PTPRK: variants seen among roughly 807,000 people sequenced by gnomAD.
The protein encoded by PTPRK is protein tyrosine phosphatase receptor type K.
PTPRK carries 75 observed loss-of-function variants against 178.0 expected under a neutral mutation model. The ratio of observed to expected loss-of-function variants is 0.42; its 90% CI spans 0.35 to 0.51. The LOEUF (loss-of-function observed/expected upper bound fraction) is 0.51. Among genes scored for constraint, PTPRK ranks in the 20% least tolerant of loss-of-function variants. The pLI, the probability that PTPRK is intolerant of heterozygous loss-of-function variation, is 0.02. For synonymous variants in PTPRK, 637 were observed against 620.6 expected, an observed-to-expected ratio of 1.03 and a Z score of -0.39; for missense variants, 1,441 against 1,797.8, an observed-to-expected ratio of 0.80 and a Z score of 3.59.
At chr6:128,491,544 G>A (rs1853773306) in intron 1 of PTPRK, among the ~76,000 whole-genome samples, 2 of 152,230 alleles carry the variant, frequency 1.3e-5, no homozygotes, top group Admixed American at 6.5e-5. Context: ...CTTGGCAGCT[G>A]TAATGCAGTT....
At chr6:128,413,265 C>T (rs1842498371) in intron 1 of PTPRK, among the ~76,000 whole-genome samples, 1 of 152,090 alleles carries the variant, frequency 6.6e-6, no homozygotes, top group Non-Finnish European at 1.5e-5. Context: ...TGTCTGTCTG[C>T]ATAGAGTACT....
At chr6:128,072,095 A>C (rs1782926159) in intron 11 of PTPRK, among the ~76,000 whole-genome samples, 1 of 151,972 alleles carries the variant, frequency 6.6e-6, no homozygotes, top group South Asian at 2.1e-4. Flanking sequence ...AAACTATTCC[A>C]AAGTCATCAT....
chr6:128,187,493 G>A (rs1802978765), intron 6 of PTPRK, among the ~76,000 whole-genome samples: 1 of 152,064 alleles, frequency 6.6e-6, no homozygotes, highest in South Asian at 2.1e-4. Context: ...AAGAATTTTT[G>A]AAGACTCAAC....
chr6:128,213,724 T>G (rs1024492409), intron 6 of PTPRK, among the ~76,000 whole-genome samples: 2 of 152,046 alleles, frequency 1.3e-5, no homozygotes, highest in African/African-American at 4.8e-5. Flanking sequence ...AGCCACCAAC[T>G]AGCAAAACCT....
chr6:128,358,905 T>G (rs1291791654), intron 2 of PTPRK, among the ~76,000 whole-genome samples: 1 of 152,216 alleles, frequency 6.6e-6, no homozygotes. Context: ...TATAATAGAC[T>G]GCTCAGATTT....
At chr6:128,039,286 T>C (rs1057250122) in intron 13 of PTPRK, among the ~76,000 whole-genome samples, 1 of 152,174 alleles carries the variant, frequency 6.6e-6, no homozygotes, top group Non-Finnish European at 1.5e-5. Context: ...CAAGACACTA[T>C]TTTAAGTTCA....
chr6:128,242,912 T>C (rs1814729065), intron 3 of PTPRK, among the ~76,000 whole-genome samples: 1 of 152,236 alleles, frequency 6.6e-6, no homozygotes, highest in Admixed American at 6.5e-5. Context: ...AAAGGTAAAC[T>C]TTCGCATATT....
intron 2 of PTPRK, among the ~76,000 whole-genome samples, chr6:128,350,246 T>C (rs1215428556): frequency 6.6e-6 from 1 of 151,998 alleles, no homozygotes; most frequent in Non-Finnish European, 1.5e-5. Flanking sequence ...CACAGCAAGG[T>C]AGAAAGTATT....
chr6:128,245,643 T>C (rs951297959), intron 3 of PTPRK, among the ~76,000 whole-genome samples: 1 of 152,172 alleles, frequency 6.6e-6, no homozygotes, highest in Non-Finnish European at 1.5e-5. Flanking sequence ...GTAAGCAGAA[T>C]GCTTCATGAT....
chr6:128,120,323 T>A (rs1583095937), intron 7 of PTPRK, among the ~76,000 whole-genome samples: 1 of 152,076 alleles, frequency 6.6e-6, no homozygotes. Context: ...ACAGCTTTCT[T>A]CTTTTAACAA....
chr6:128,191,686 A>C (rs1803817216), intron 6 of PTPRK, among the ~76,000 whole-genome samples: 3 of 152,058 alleles, frequency 2.0e-5, no homozygotes, highest in Admixed American at 2.0e-4. Flanking sequence ...AAATATATTC[A>C]ATTTTATTTG....
intron 7 of PTPRK, among the ~76,000 whole-genome samples, chr6:128,163,319 TTAA>T (rs1371493341): frequency 6.6e-5 from 10 of 150,992 alleles, no homozygotes; most frequent in African/African-American, 1.5e-4. Flanking sequence ...GAAATAAGTA[TTAA>T]TAATATGTAT....
chr6:128,201,119 A>T (rs1250030305), intron 6 of PTPRK, among the ~76,000 whole-genome samples: 3 of 152,162 alleles, frequency 2.0e-5, no homozygotes, highest in Non-Finnish European at 2.9e-5. Flanking sequence ...AGGCTATTAA[A>T]TTCTATGTAA....
chr6:128,451,889 G>A (rs1030603839), intron 1 of PTPRK, among the ~76,000 whole-genome samples: 1 of 151,998 alleles, frequency 6.6e-6, no homozygotes, highest in African/African-American at 2.4e-5. Flanking sequence ...ATTATAGCAT[G>A]GTTTTCAATA....
At chr6:128,299,469 C>T (rs1236530538) in intron 3 of PTPRK, among the ~76,000 whole-genome samples, 1 of 151,998 alleles carries the variant, frequency 6.6e-6, no homozygotes, top group Non-Finnish European at 1.5e-5. Flanking sequence ...TGACTTCAAA[C>T]TATACTACAA....
At chr6:128,172,948 C>G (rs17829369) in intron 7 of PTPRK, among the ~76,000 whole-genome samples, 7,097 of 151,902 alleles carry the variant, frequency 0.047, 276 homozygotes, top group Non-Finnish European at 0.064. Flanking sequence ...GTGGAGGCAT[C>G]TGAAGGGTGC....
At chr6:128,404,666 G>A (rs2128374106) in intron 1 of PTPRK, among the ~76,000 whole-genome samples, 1 of 152,250 alleles carries the variant, frequency 6.6e-6, no homozygotes, top group Middle Eastern at 3.4e-3. Context: ...ATAAGTATGT[G>A]ACTTCATCCA....
chr6:128,453,108 A>G (rs1847987106), intron 1 of PTPRK, among the ~76,000 whole-genome samples: 1 of 152,220 alleles, frequency 6.6e-6, no homozygotes, highest in Admixed American at 6.6e-5. Context: ...AATGCTAGCT[A>G]TATTGGTCTA....
At chr6:128,462,625 T>TTTTATTTATTTATTTA (rs201968289) in intron 1 of PTPRK, among the ~76,000 whole-genome samples, 4 of 142,954 alleles carry the variant, frequency 2.8e-5, no homozygotes, top group East Asian at 2.0e-4. Flanking sequence ...AGTAGGTATA[T>TTTTATTTATTTATTTA]TTTATTTATT....
Sources: gnomAD v4.1 joint callset for allele counts (sites outside exome capture counted in the v4.1 genomes callset) on GRCh38, gnomAD v4.1.1 for gene constraint, MANE v1.5 for transcripts, NCBI Gene and HGNC (gene_info 2026-07-23, HGNC 2026-07-21) for gene names.